CSMD3: variants seen among roughly 807,000 people sequenced by gnomAD.
CSMD3 encodes the protein CUB and sushi domain-containing protein 3.
A neutral mutation model predicts 435.2 loss-of-function variants in CSMD3; 177 were observed. The ratio of observed to expected loss-of-function variants is 0.41; its 90% CI spans 0.36 to 0.46. The LOEUF (loss-of-function observed/expected upper bound fraction) is 0.46. Ranked by LOEUF, CSMD3 falls within the 20% of genes least tolerant of loss-of-function variation. CSMD3 has a pLI of 0.34. For missense variants in CSMD3, 4,265 were observed against 4,504.6 expected (o/e 0.95, Z 1.52); for synonymous variants, 1,656 against 1,520.5 (o/e 1.09, Z -2.07).
In CSMD3 at chr8:112,645,188, T is replaced by C; in HGVS notation, c.3231A>G (p.Thr1077=). 6.2e-7 allele frequency: 1 copy of C among 1,606,182 alleles called. No individual in the cohort carries two copies. Residue 1077 remains threonine (T), a synonymous_variant, in exon 20 of 71, where the codon ACA becomes ACG. Transcript: ENST00000297405. ...ATTCCGGGTAACCAGGTGATAAGAT[T>C]GTTCCACTAGGCCCTCTAACATCTC... ...CGGDVRGPSG[T]ILSPGYPEFY...
intron 35 of CSMD3, among the ~76,000 whole-genome samples, chr8:112,391,072 C>T (rs572423618): frequency 6.6e-6 from 1 of 152,222 alleles, no homozygotes; most frequent in Non-Finnish European, 1.5e-5. Flanking sequence ...CTAAAACACG[C>T]ATTGACTAAA....
At chr8:113,410,357 C>T (rs2094552608) in intron 1 of CSMD3, among the ~76,000 whole-genome samples, 1 of 152,234 alleles carries the variant, frequency 6.6e-6, no homozygotes, top group Middle Eastern at 3.4e-3. Flanking sequence ...TTCCACTATT[C>T]TACTGAGACA....
intron 4 of CSMD3, among the ~76,000 whole-genome samples, chr8:113,158,259 G>A (rs1245497304): frequency 6.6e-6 from 1 of 151,814 alleles, no homozygotes; most frequent in African/African-American, 2.4e-5. Flanking sequence ...AGGAAGAAAG[G>A]CTGACATCAC....
At chr8:112,432,777 G>C (rs2130413508) in intron 32 of CSMD3, among the ~76,000 whole-genome samples, 1 of 152,122 alleles carries the variant, frequency 6.6e-6, no homozygotes, top group Middle Eastern at 3.4e-3. Context: ...GGTCTCAGTT[G>C]AAAAGTTTGG....
chr8:112,806,387 T>C (rs948935316), intron 12 of CSMD3, among the ~76,000 whole-genome samples: 6 of 152,308 alleles, frequency 3.9e-5, no homozygotes, highest in Admixed American at 1.3e-4. Flanking sequence ...GTAGTGGCAC[T>C]GTTGATGACA....
At chr8:112,965,752 T>C (rs918405262) in intron 7 of CSMD3, among the ~76,000 whole-genome samples, 1 of 151,946 alleles carries the variant, frequency 6.6e-6, no homozygotes, top group Non-Finnish European at 1.5e-5. Context: ...AATTCTAACA[T>C]TTTATTTTTT....
chr8:113,182,545 CA>C (rs1212898455), intron 3 of CSMD3, among the ~76,000 whole-genome samples: 1 of 150,592 alleles, frequency 6.6e-6, no homozygotes, highest in Non-Finnish European at 1.5e-5. Flanking sequence ...ACAACAAAAA[CA>C]AAAAAACAAC....
intron 5 of CSMD3, among the ~76,000 whole-genome samples, chr8:113,078,349 G>T (rs2131439878): frequency 6.6e-6 from 1 of 152,244 alleles, no homozygotes; most frequent in East Asian, 1.9e-4. Flanking sequence ...AAGATTAAAT[G>T]TTTTCTTATG....
chr8:112,545,103 T>C (rs977716584), intron 27 of CSMD3, among the ~76,000 whole-genome samples: 6 of 152,184 alleles, frequency 3.9e-5, no homozygotes, highest in African/African-American at 1.2e-4. Context: ...ATTCATGGCC[T>C]GGCAGTCTTA....
chr8:112,700,683 G>C (rs1251793577), intron 13 of CSMD3, among the ~76,000 whole-genome samples: 1 of 151,928 alleles, frequency 6.6e-6, no homozygotes, highest in Non-Finnish European at 1.5e-5. Flanking sequence ...GCAGGCTTAC[G>C]GACAGAACAA....
chr8:112,341,644 T>C lies in CSMD3; in HGVS notation c.6485A>G (p.His2162Arg), dbSNP rs2130993400. ...TCCACTTCGTACTTCCAAATAATCATGTATGGTTTCTGTAGAAAAATTTAC... is the reference window on the plus strand; with the variant it reads ...TCCACTTCGTACTTCCAAATAATCACGTATGGTTTCTGTAGAAAAATTTAC... ...QFVNFSTETI[H>R]DYLEVRSGSS... is the part of the protein sequence containing the mutation. The change falls in exon 42 of 71, where the codon CAT becomes CGT. Residue 2162 changes from histidine (H) to arginine (R), a missense_variant. Coordinates refer to ENST00000297405, the MANE Select transcript of CSMD3 (RefSeq NM_198123.2). 1 of 1,613,174 alleles carries C rather than the reference T, an allele frequency of 6.2e-7. No homozygotes were observed. The highest frequency in any genetic ancestry group is 1.1e-5 in the South Asian group (1 of 91,062).
At chr8:112,255,792 C>A in intron 61 of CSMD3, 2 of 259,756 alleles carry the variant, frequency 7.7e-6, no homozygotes, top group East Asian at 2.1e-4. Context: ...ATAGGTGTCC[C>A]TGTCAAAAAG....
At chr8:112,879,175 A>G (rs1370785522) in intron 10 of CSMD3, among the ~76,000 whole-genome samples, 15 of 152,192 alleles carry the variant, frequency 9.9e-5, no homozygotes, top group Middle Eastern at 3.4e-3. Context: ...TTTCCCCAGT[A>G]AGGAATATTA....
chr8:112,391,070 C>T (rs1187629845), intron 35 of CSMD3, among the ~76,000 whole-genome samples: 8 of 152,048 alleles, frequency 5.3e-5, no homozygotes, highest in East Asian at 3.8e-4. Flanking sequence ...TACTAAAACA[C>T]GCATTGACTA....
chr8:112,686,315 G>A (rs1388087932), intron 14 of CSMD3, among the ~76,000 whole-genome samples: 2 of 152,092 alleles, frequency 1.3e-5, no homozygotes, highest in Non-Finnish European at 2.9e-5. Flanking sequence ...ACACTAAAAT[G>A]AAGTCTTTCT....
At chr8:112,912,354 C>T (rs2082447295) in intron 10 of CSMD3, among the ~76,000 whole-genome samples, 1 of 151,334 alleles carries the variant, frequency 6.6e-6, no homozygotes, top group Non-Finnish European at 1.5e-5. Context: ...TTCATAATGG[C>T]TGTACTAATT....
intron 35 of CSMD3, among the ~76,000 whole-genome samples, chr8:112,392,146 ATAT>A (rs907151868): frequency 3.9e-5 from 6 of 152,152 alleles, no homozygotes; most frequent in African/African-American, 1.4e-4. Flanking sequence ...TTTGCTACAA[ATAT>A]TATTTTAGGT....
intron 22 of CSMD3, among the ~76,000 whole-genome samples, chr8:112,630,267 A>G (rs1057146357): frequency 2.0e-5 from 3 of 152,208 alleles, no homozygotes; most frequent in African/African-American, 7.2e-5. Flanking sequence ...AATTAGTTAT[A>G]ATATTGAAGA....
At chr8:112,565,524 A>C (rs1052747718) in intron 24 of CSMD3, among the ~76,000 whole-genome samples, 3 of 152,118 alleles carry the variant, frequency 2.0e-5, no homozygotes, top group East Asian at 3.9e-4. Flanking sequence ...GCCATGCTCC[A>C]TGTAGATTAT....
Sources: allele counts gnomAD v4.1 joint callset (sites outside exome capture counted in the v4.1 genomes callset), GRCh38; gene constraint gnomAD v4.1.1; transcripts MANE v1.5; gene names NCBI Gene and HGNC (gene_info 2026-07-23, HGNC 2026-07-21).